The following RANBP17 variants were observed in gnomAD, a reference collection of about 807,000 sequenced individuals.
RANBP17 encodes the protein ran-binding protein 17.
A neutral mutation model predicts 141.2 loss-of-function variants in RANBP17; 158 were observed. The ratio of observed to expected loss-of-function variants is 1.12; its 90% CI spans 0.98 to 1.28. The LOEUF is 1.28. Among genes scored for constraint, RANBP17 ranks in the 50% most tolerant of loss-of-function variants. The probability of loss-of-function intolerance (pLI) is 0.00; values close to 1 mark genes in which losing one functional copy is unlikely to be tolerated. For synonymous variants in RANBP17, 430 were observed against 450.0 expected, an observed-to-expected ratio of 0.96 and a Z score of 0.56; for missense variants, 1,438 against 1,290.7, an observed-to-expected ratio of 1.11 and a Z score of -1.75.
Position 170,942,754 on chromosome 5 carries a change from T to C in RANBP17, c.1469-10843T>C, listed in dbSNP as rs1287587992. Among the ~76,000 whole-genome samples the C allele has an allele frequency of 2.6e-5, 4 of 152,220 alleles. No homozygotes were observed. In the East Asian group the frequency reaches 7.7e-4, roughly 29 times the overall value. ...TGTTACACTTCATATGCGTTACATA[T>C]ATGTTTTCATATATATCAATTATTA... On this transcript the variant is annotated intron_variant, in intron 12 of 27. Coordinates refer to ENST00000523189, the MANE Select transcript of RANBP17 (RefSeq NM_022897.5).
At chr5:171,211,617 A>G (rs1201927430) in intron 20 of RANBP17, among the ~76,000 whole-genome samples, 4 of 147,406 alleles carry the variant, frequency 2.7e-5, no homozygotes, top group Non-Finnish European at 4.5e-5. Context: ...TATAAATTCC[A>G]TGAGGGCAGG....
intron 14 of RANBP17, among the ~76,000 whole-genome samples, chr5:171,111,531 C>CTCTGAAGTGTCAGTCTT (rs1755232015): frequency 6.6e-6 from 1 of 152,184 alleles, no homozygotes; most frequent in African/African-American, 2.4e-5. Flanking sequence ...AGTGCAGTCT[C>CTCTGAAGTGTCAGTCTT]TCTGAAGTGT....
At chr5:170,897,173 A>G in intron 5 of RANBP17, 2 of 771,056 alleles carry the variant, frequency 2.6e-6, no homozygotes, top group Non-Finnish European at 4.5e-6. Flanking sequence ...CATCACTGAT[A>G]CTTATGGCTC....
At chr5:171,090,873 C>G (rs898521511) in intron 14 of RANBP17, among the ~76,000 whole-genome samples, 1 of 152,184 alleles carries the variant, frequency 6.6e-6, no homozygotes, top group Non-Finnish European at 1.5e-5. Context: ...GTTTGAGTAC[C>G]TCTGCCTAGA....
At chr5:171,257,653 A>G (rs957007563) in intron 24 of RANBP17, among the ~76,000 whole-genome samples, 3 of 152,216 alleles carry the variant, frequency 2.0e-5, no homozygotes, top group Admixed American at 6.5e-5. Flanking sequence ...TTATATCCAG[A>G]AAAACCTAAA....
chr5:170,938,119 G>A (rs921159798), intron 12 of RANBP17, among the ~76,000 whole-genome samples: 2 of 152,080 alleles, frequency 1.3e-5, no homozygotes, highest in Non-Finnish European at 2.9e-5. Context: ...GGGGTGGGAC[G>A]GGTCAAACAG....
chr5:171,127,513 G>GA (rs201298962), intron 14 of RANBP17, among the ~76,000 whole-genome samples: 2 of 151,308 alleles, frequency 1.3e-5, no homozygotes, highest in Admixed American at 6.6e-5. Flanking sequence ...TAAACAACAG[G>GA]AAAAAAAATA....
chr5:171,128,101 T>G (rs1023197937), intron 14 of RANBP17, among the ~76,000 whole-genome samples: 1 of 151,260 alleles, frequency 6.6e-6, no homozygotes, highest in Non-Finnish European at 1.5e-5. Context: ...GAGCTTGCAG[T>G]GAGCCGAGAT....
chr5:171,043,441 A>G (rs1275900352), intron 14 of RANBP17, among the ~76,000 whole-genome samples: 1 of 152,098 alleles, frequency 6.6e-6, no homozygotes, highest in African/African-American at 2.4e-5. Flanking sequence ...CTGGCATCCT[A>G]AGCCTCTAAG....
chr5:170,988,646 A>T (rs1581327900), intron 14 of RANBP17, among the ~76,000 whole-genome samples: 1 of 151,690 alleles, frequency 6.6e-6, no homozygotes, highest in East Asian at 1.9e-4. Flanking sequence ...GGCCACAAAT[A>T]TGCATATTTT....
At chr5:170,962,669 A>G (rs558916931) in intron 13 of RANBP17, among the ~76,000 whole-genome samples, 2 of 152,326 alleles carry the variant, frequency 1.3e-5, no homozygotes, top group East Asian at 1.9e-4. Context: ...TCAAAATTAG[A>G]AGATAAACGT....
intron 14 of RANBP17, among the ~76,000 whole-genome samples, chr5:171,073,024 A>G (rs1210035437): frequency 6.6e-6 from 1 of 152,096 alleles, no homozygotes; most frequent in Non-Finnish European, 1.5e-5. Flanking sequence ...TAATAAGAAC[A>G]GAAAACAGAT....
intron 14 of RANBP17, among the ~76,000 whole-genome samples, chr5:171,021,780 C>T (rs1288811326): frequency 6.6e-6 from 1 of 152,172 alleles, no homozygotes; most frequent in Non-Finnish European, 1.5e-5. Context: ...GTCAATTCAT[C>T]CATGTCATCC....
intron 16 of RANBP17, among the ~76,000 whole-genome samples, chr5:171,181,689 A>G (rs1423790851): frequency 6.6e-6 from 1 of 152,210 alleles, no homozygotes; most frequent in African/African-American, 2.4e-5. Context: ...AAATCATACT[A>G]ATTGTTTATC....
chr5:170,930,114 G>A (rs368164677), intron 12 of RANBP17, among the ~76,000 whole-genome samples: 107 of 151,444 alleles, frequency 7.1e-4, no homozygotes, highest in African/African-American at 2.5e-3. Flanking sequence ...ACTATTTTTA[G>A]TTTCATTGAT....
intron 14 of RANBP17, among the ~76,000 whole-genome samples, chr5:171,160,033 TACTC>T (rs1461795362): frequency 1.3e-5 from 2 of 152,040 alleles, no homozygotes; most frequent in Non-Finnish European, 2.9e-5. Flanking sequence ...ATCATCTACT[TACTC>T]AGTGAGTTGA....
chr5:171,136,972 A>T (rs1420540209), intron 14 of RANBP17, among the ~76,000 whole-genome samples: 1 of 152,108 alleles, frequency 6.6e-6, no homozygotes, highest in African/African-American at 2.4e-5. Flanking sequence ...AATTGTCAGT[A>T]GTGCAGGAAG....
chr5:171,249,056 G>A (rs1157636293), intron 24 of RANBP17, among the ~76,000 whole-genome samples: 1 of 152,088 alleles, frequency 6.6e-6, no homozygotes, highest in African/African-American at 2.4e-5. Flanking sequence ...TGCCACCACT[G>A]GGCCTGAAGA....
rs1767076411 is a variant in RANBP17, at chr5:171,271,075, C to CCTTTTTTTTTTTTTTTTTTT, written c.2943+5228_2943+5229insCTTTTTTTTTTTTTTTTTTT. The CCTTTTTTTTTTTTTTTTTTT allele has an allele frequency of 3.3e-4, 9 of 27,542 alleles. 1 individual carries two copies. The highest frequency in any genetic ancestry group is 1.6e-3 in the South Asian group (1 of 614). The allele number at this position is 27,542 out of a possible 1,614,324, so 1.7% of individuals were successfully genotyped here. On this transcript the variant is annotated intron_variant, in intron 25 of 27. Transcript: ENST00000523189. ...TTTCTCCCTCCTTTTTATGTTATTT[C>CCTTTTTTTTTTTTTTTTTTT]TTTTTTTTTTTTTTTTTTTTTTTTT...
Sources: allele counts gnomAD v4.1 joint callset (sites outside exome capture counted in the v4.1 genomes callset), GRCh38; gene constraint gnomAD v4.1.1; transcripts MANE v1.5; gene names NCBI Gene and HGNC (gene_info 2026-07-23, HGNC 2026-07-21).